The following C8orf34 variants were observed in gnomAD, a reference collection of about 807,000 sequenced individuals.
The protein encoded by C8orf34 is uncharacterized protein C8orf34.
C8orf34 carries 65 observed loss-of-function variants against 68.3 expected under a neutral mutation model. That is an observed-to-expected ratio of 0.95 (90% CI 0.78 to 1.17). The LOEUF is 1.17. Among genes scored for constraint, C8orf34 ranks in the 50% most tolerant of loss-of-function variants. The probability of loss-of-function intolerance (pLI) is 0.00; values close to 1 mark genes in which losing one functional copy is unlikely to be tolerated. For missense variants in C8orf34, 664 were observed against 655.4 expected, an observed-to-expected ratio of 1.01 and a Z score of -0.14; for synonymous variants, 244 against 241.2, an observed-to-expected ratio of 1.01 and a Z score of -0.11.
chr8:68,404,922 A>T (rs1809125255), intron 1 of C8orf34, among the ~76,000 whole-genome samples: 1 of 152,128 alleles, frequency 6.6e-6, no homozygotes, highest in African/African-American at 2.4e-5. Context: ...TGGTAACTTG[A>T]TGGGGATAGC....
chr8:68,705,791 T>TG (rs1441924488), intron 8 of C8orf34, among the ~76,000 whole-genome samples: 1 of 150,840 alleles, frequency 6.6e-6, no homozygotes, highest in East Asian at 1.9e-4. Context: ...GAAATGATAG[T>TG]GGGAAAAAAA....
At chr8:68,765,265 C>T (rs917706849) in intron 10 of C8orf34, among the ~76,000 whole-genome samples, 3 of 152,202 alleles carry the variant, frequency 2.0e-5, no homozygotes, top group African/African-American at 7.2e-5. Context: ...TAAATTTGCC[C>T]AATGTGCGTA....
At chr8:68,569,127 G>A (rs775085103) in intron 7 of C8orf34, among the ~76,000 whole-genome samples, 10 of 152,094 alleles carry the variant, frequency 6.6e-5, no homozygotes, top group Non-Finnish European at 1.2e-4. Context: ...TAAGGTGTGG[G>A]TTTCTATGAT....
intron 8 of C8orf34, among the ~76,000 whole-genome samples, chr8:68,674,296 A>G (rs963914141): frequency 3.3e-5 from 5 of 152,204 alleles, no homozygotes; most frequent in Non-Finnish European, 7.3e-5. Context: ...ACCTCACCAG[A>G]TGAACTAAAT....
At chr8:68,518,691 A>G (rs1814620115) in intron 5 of C8orf34, among the ~76,000 whole-genome samples, 1 of 152,044 alleles carries the variant, frequency 6.6e-6, no homozygotes, top group African/African-American at 2.4e-5. Context: ...AGGTCAAGAG[A>G]TTGAGACCAT....
chr8:68,644,251 A>T (rs1401633614), intron 8 of C8orf34, among the ~76,000 whole-genome samples: 1 of 152,154 alleles, frequency 6.6e-6, no homozygotes, highest in African/African-American at 2.4e-5. Context: ...GGTAAGGGGA[A>T]TGGAGGCAAC....
At chr8:68,416,452 A>T (rs551239375) in intron 1 of C8orf34, among the ~76,000 whole-genome samples, 29 of 152,280 alleles carry the variant, frequency 1.9e-4, no homozygotes, top group African/African-American at 6.7e-4. Flanking sequence ...CATATAGTAG[A>T]TGCTCAGCAA....
intron 5 of C8orf34, among the ~76,000 whole-genome samples, chr8:68,517,404 A>G (rs974868077): frequency 1.3e-5 from 2 of 152,180 alleles, no homozygotes; most frequent in Non-Finnish European, 2.9e-5. Context: ...AATGGGAGGA[A>G]TATAAAGAGC....
At chr8:68,594,307 G>T (rs887034234) in intron 7 of C8orf34, among the ~76,000 whole-genome samples, 1 of 151,964 alleles carries the variant, frequency 6.6e-6, no homozygotes, top group Non-Finnish European at 1.5e-5. Flanking sequence ...TATTTTTAAA[G>T]ACAAGGTTAG....
At chr8:68,506,016 A>C (rs939619852) in intron 5 of C8orf34, among the ~76,000 whole-genome samples, 1 of 152,180 alleles carries the variant, frequency 6.6e-6, no homozygotes, top group African/African-American at 2.4e-5. Context: ...CCTCTATTGC[A>C]TGGTAGCCAA....
At chr8:68,652,400 G>A (rs777662309) in intron 8 of C8orf34, among the ~76,000 whole-genome samples, 4 of 152,104 alleles carry the variant, frequency 2.6e-5, no homozygotes, top group East Asian at 3.9e-4. Context: ...GAAGCACAAA[G>A]CTTTTTCATT....
At chr8:68,724,342 T>C (rs551933677) in intron 10 of C8orf34, among the ~76,000 whole-genome samples, 2 of 152,328 alleles carry the variant, frequency 1.3e-5, no homozygotes, top group South Asian at 4.1e-4. Context: ...TTGAGTCATA[T>C]CCTGTACAAA....
chr8:68,803,590 AAGACCAAAATTTCTACGATAATCAAATG>A (rs1224623161), intron 12 of C8orf34, among the ~76,000 whole-genome samples: 1 of 152,132 alleles, frequency 6.6e-6, no homozygotes, highest in African/African-American at 2.4e-5. Flanking sequence ...GATGACCTAA[AAGACCAAAATTTCTACGATAATCAAATG>A]AGACCAAAAT....
At chr8:68,593,771 G>A (rs1009205102) in intron 7 of C8orf34, among the ~76,000 whole-genome samples, 1 of 151,630 alleles carries the variant, frequency 6.6e-6, no homozygotes, top group Admixed American at 6.6e-5. Context: ...ATTGTTTGCT[G>A]TTTTTATTCA....
At position 68,721,361 on chromosome 8, in the gene C8orf34, A is replaced by C; in HGVS notation, c.1328A>C (p.Asp443Ala). The C allele has an allele frequency of 6.3e-7, 1 of 1,598,094 alleles. No individual in the cohort carries two copies. The highest frequency in any genetic ancestry group is 8.6e-7 in the Non-Finnish European group (1 of 1,168,796). ...ATTCATTTTTTAAAAATAAAAATAG[A>C]TTCCTTGCCTGGGACTGAAGAAGCA... is the stretch of plus-strand genomic sequence containing the variant. ...SPDEKIPDSFDSLPGTEEALM... is the reference protein window; with the variant it reads ...SPDEKIPDSFASLPGTEEALM... The change falls in exon 10 of 14, where the codon GAT (aspartate) becomes GCT (alanine). Residue 443 changes from aspartate (D) to alanine (A), a missense_variant and splice_region_variant. Asp to Ala is a moderately radical substitution (Grantham distance 126). Transcript: ENST00000518698.
At chr8:68,744,645 T>G (rs1258274219) in intron 10 of C8orf34, among the ~76,000 whole-genome samples, 2 of 151,850 alleles carry the variant, frequency 1.3e-5, no homozygotes, top group African/African-American at 4.8e-5. Flanking sequence ...CGATGGAAGA[T>G]GAAATGAATG....
intron 7 of C8orf34, among the ~76,000 whole-genome samples, chr8:68,551,731 G>C (rs1816078582): frequency 6.6e-6 from 1 of 152,034 alleles, no homozygotes. Flanking sequence ...CTGTCTTTTA[G>C]TGAGTCTGTG....
intron 3 of C8orf34, among the ~76,000 whole-genome samples, chr8:68,450,535 C>T (rs1454673834): frequency 1.3e-5 from 2 of 152,092 alleles, no homozygotes; most frequent in Non-Finnish European, 2.9e-5. Context: ...CAGATAACTT[C>T]TTGATTCATG....
chr8:68,397,827 G>A (rs985616527), intron 1 of C8orf34, among the ~76,000 whole-genome samples: 1 of 152,060 alleles, frequency 6.6e-6, no homozygotes, highest in African/African-American at 2.4e-5. Flanking sequence ...TAAGTGCAAT[G>A]GCATTATGTC....
Sources: gnomAD v4.1 joint callset for allele counts (sites outside exome capture counted in the v4.1 genomes callset) on GRCh38, gnomAD v4.1.1 for gene constraint, MANE v1.5 for transcripts, NCBI Gene and HGNC (gene_info 2026-07-23, HGNC 2026-07-21) for gene names.